The following STARD13 variants were observed in gnomAD, a reference collection of about 807,000 sequenced individuals.
STARD13 encodes the protein stAR-related lipid transfer protein 13.
Under a neutral mutation model 106.4 loss-of-function variants are expected in STARD13, and 62 were observed. The observed-to-expected ratio is 0.58, with a 90% CI of 0.48 to 0.72. The LOEUF (loss-of-function observed/expected upper bound fraction) is 0.72. Ranked by LOEUF, STARD13 falls within the 30% of genes least tolerant of loss-of-function variation. The pLI is 0.00. For synonymous variants in STARD13, 565 were observed against 553.0 expected, an observed-to-expected ratio of 1.02 and a Z score of -0.31; for missense variants, 1,387 against 1,424.0, an observed-to-expected ratio of 0.97 and a Z score of 0.42.
chr13:33,174,700 C>T lies in STARD13; in HGVS notation c.170-7078G>A, dbSNP rs115129602. Among the ~76,000 whole-genome samples, 870 of 152,252 alleles carry T rather than the reference C, an allele frequency of 5.7e-3. 7 individuals are homozygous for T. The highest frequency in any genetic ancestry group is 0.018 in the African/African-American group (758 of 41,542). ...AATTTGTTCAAGTGGCATAATCTAG[C>T]GTAAGCTAATGTAACACAGCTGCCA... On this transcript the variant is annotated intron_variant, in intron 1 of 13. Coordinates refer to ENST00000336934, the MANE Select transcript of STARD13 (RefSeq NM_178006.4).
At chr13:33,503,355 G>T in the STARD13 span, among the ~76,000 whole-genome samples, 3 of 152,022 alleles carry the variant, frequency 2.0e-5, no homozygotes. Context: ...TTGATTTTTT[G>T]AAGGGTTTTT....
At chr13:33,248,081 C>T (rs1889920430) in intron 1 of STARD13, among the ~76,000 whole-genome samples, 1 of 152,160 alleles carries the variant, frequency 6.6e-6, no homozygotes, top group South Asian at 2.1e-4. Flanking sequence ...ATTGTCTTGA[C>T]TTTCGAATGA....
chr13:33,589,103 C>T, the STARD13 span, among the ~76,000 whole-genome samples: 1 of 152,182 alleles, frequency 6.6e-6, no homozygotes, highest in African/African-American at 2.4e-5. Flanking sequence ...TTATAGTATT[C>T]TCTGATGGTA....
chr13:33,279,458 A>G (rs953575693), intron 1 of STARD13: 1 of 152,200 alleles, frequency 6.6e-6, no homozygotes, highest in Non-Finnish European at 1.5e-5. Flanking sequence ...TTATTTACTT[A>G]AGCTAAAGTT....
the STARD13 span, among the ~76,000 whole-genome samples, chr13:33,599,586 G>A: frequency 2.0e-4 from 30 of 152,100 alleles, no homozygotes; most frequent in Non-Finnish European, 3.4e-4. Flanking sequence ...CTAAATTACC[G>A]TGCCTGCCAA....
chr13:33,523,111 A>C, the STARD13 span, among the ~76,000 whole-genome samples: 1 of 152,100 alleles, frequency 6.6e-6, no homozygotes, highest in East Asian at 1.9e-4. Context: ...GAATGGATCA[A>C]CTTAGCTCCT....
the STARD13 span, among the ~76,000 whole-genome samples, chr13:33,578,810 C>G: frequency 1.3e-5 from 2 of 151,790 alleles, no homozygotes; most frequent in Non-Finnish European, 1.5e-5. Flanking sequence ...CAAGAAAAAA[C>G]AAATAGTCTC....
chr13:33,211,855 C>T (rs1253409101), intron 1 of STARD13, among the ~76,000 whole-genome samples: 1 of 150,244 alleles, frequency 6.7e-6, no homozygotes, highest in African/African-American at 2.5e-5. Flanking sequence ...GTGTATGACA[C>T]ATATTCATAC....
At chr13:33,416,326 C>T in the STARD13 span, among the ~76,000 whole-genome samples, 1 of 152,118 alleles carries the variant, frequency 6.6e-6, no homozygotes, top group Admixed American at 6.5e-5. Context: ...AAAGACTAGA[C>T]AGTAGATTCC....
At chr13:33,512,802 T>C in the STARD13 span, among the ~76,000 whole-genome samples, 7 of 151,972 alleles carry the variant, frequency 4.6e-5, no homozygotes, top group African/African-American at 1.7e-4. Context: ...TCATCCCAGG[T>C]TCTTGAAAGC....
chr13:33,391,139 T>C, the STARD13 span, among the ~76,000 whole-genome samples: 1 of 152,124 alleles, frequency 6.6e-6, no homozygotes. Context: ...AATACAAAAC[T>C]TCATTTTATT....
the STARD13 span, among the ~76,000 whole-genome samples, chr13:33,659,353 C>G: frequency 6.6e-6 from 1 of 151,724 alleles, no homozygotes; most frequent in African/African-American, 2.4e-5. Flanking sequence ...GTAGCTGCGA[C>G]TACAGGCATA....
chr13:33,533,806 C>T, the STARD13 span, among the ~76,000 whole-genome samples: 1 of 152,176 alleles, frequency 6.6e-6, no homozygotes, highest in Non-Finnish European at 1.5e-5. Context: ...ACTGTGAGGA[C>T]TGGATATAAA....
chr13:33,339,320 A>T (rs1224018858), intron 1 of STARD13, among the ~76,000 whole-genome samples: 1 of 152,196 alleles, frequency 6.6e-6, no homozygotes, highest in African/African-American at 2.4e-5. Flanking sequence ...ATCTTCCATC[A>T]TGCCCTAATA....
intron 1 of STARD13, among the ~76,000 whole-genome samples, chr13:33,298,059 C>T (rs997691383): frequency 6.6e-6 from 1 of 151,652 alleles, no homozygotes; most frequent in African/African-American, 2.4e-5. Context: ...GCCCTCCTGC[C>T]TGGAGCACCC....
upstream of STARD13, among the ~76,000 whole-genome samples, chr13:33,288,850 A>G (rs1892178197): frequency 1.3e-5 from 2 of 152,214 alleles, no homozygotes; most frequent in Non-Finnish European, 2.9e-5. Context: ...GCAAATATGT[A>G]ACATTATTTT....
chr13:33,573,421 A>G, the STARD13 span, among the ~76,000 whole-genome samples: 2 of 152,184 alleles, frequency 1.3e-5, no homozygotes, highest in Non-Finnish European at 2.9e-5. Context: ...TATGCAAAAT[A>G]TGAAAGTATT....
In STARD13 at chr13:33,140,764, TTC is replaced by T. The variant is rs778298766; in HGVS notation, c.387+1544_387+1545del. On this transcript the variant is annotated intron_variant, in intron 4 of 13. Coordinates refer to ENST00000336934, the MANE Select transcript of STARD13 (RefSeq NM_178006.4). The stretch of plus-strand genomic sequence containing the variant: ...CCAGGATAAAAACACTTTCTTTTCT[TTC>T]TTTTTTTTTTTTTTGAGGCGGAGTC... Among the ~76,000 whole-genome samples the T allele has an allele frequency of 6.7e-5, 10 of 149,060 alleles. 1 individual carries two copies. The highest frequency in any genetic ancestry group is 1.0e-4 in the Non-Finnish European group (7 of 67,652).
the STARD13 span, among the ~76,000 whole-genome samples, chr13:33,463,371 A>C: frequency 6.6e-6 from 1 of 152,218 alleles, no homozygotes; most frequent in Non-Finnish European, 1.5e-5. Flanking sequence ...AATTTCTAGA[A>C]AAAGGTGATA....
Sources: gnomAD v4.1 joint callset for allele counts (sites outside exome capture counted in the v4.1 genomes callset) on GRCh38, gnomAD v4.1.1 for gene constraint, MANE v1.5 for transcripts, NCBI Gene and HGNC (gene_info 2026-07-23, HGNC 2026-07-21) for gene names.